The following ALDH1L1 variants were observed in gnomAD, a reference collection of about 807,000 sequenced individuals.
ALDH1L1 encodes the protein cytosolic 10-formyltetrahydrofolate dehydrogenase.
Under a neutral mutation model 101.1 loss-of-function variants are expected in ALDH1L1, and 68 were observed. That is an observed-to-expected ratio of 0.67 (90% confidence interval 0.55 to 0.82). ALDH1L1 has a LOEUF of 0.82. Among genes scored for constraint, ALDH1L1 ranks in the 40% least tolerant of loss-of-function variants. ALDH1L1 has a pLI of 0.00. For missense variants in ALDH1L1, 1,087 were observed against 1,172.7 expected, an observed-to-expected ratio of 0.93 and a Z score of 1.07; for synonymous variants, 486 against 470.8, an observed-to-expected ratio of 1.03 and a Z score of -0.42.
chr3:126,175,329 C>G (rs1477520489), intron 1 of ALDH1L1, among the ~76,000 whole-genome samples: 3 of 152,110 alleles, frequency 2.0e-5, no homozygotes, highest in African/African-American at 7.2e-5. Flanking sequence ...TCTATGATCT[C>G]TTTCAAAAAA....
Position 126,150,399 on chromosome 3 carries a change from C to T in ALDH1L1, c.984+7G>A, listed in dbSNP as rs1270762422. 6 of 1,550,580 alleles carry T rather than the reference C, an allele frequency of 3.9e-6. No homozygotes were observed. In the Admixed American group the frequency reaches 1.2e-4, roughly 30 times the overall value. Reference sequence around the variant, plus strand: ...AACTGGATGGCAGCCCTGAAGTTGCCTCTTACCCGCACAGCCTCCGCAGTA... The same window carrying T: ...AACTGGATGGCAGCCCTGAAGTTGCTTCTTACCCGCACAGCCTCCGCAGTA... On this transcript the variant is annotated splice_region_variant and intron_variant, in intron 8 of 22. Transcript: ENST00000393434.
Position 126,109,978 on chromosome 3 carries a change from T to G in ALDH1L1, c.2313A>C (p.Thr771=), listed in dbSNP as rs199672127. 9.9e-6 allele frequency: 16 copies of G among 1,614,194 alleles called. 1 individual carries two copies. In the Admixed American group the frequency reaches 1.3e-4, roughly 13 times the overall value. The change falls in exon 20 of 23, where the codon ACA becomes ACC. Residue 771 remains threonine (T), a synonymous_variant. Transcript: ENST00000393434. ...GGACCTGATTCCCGCCGCAGACCAGTGTGGCCCCTTCCTTCACGCCATGCT... is the reference window on the plus strand; with the variant it reads ...GGACCTGATTCCCGCCGCAGACCAGGGTGGCCCCTTCCTTCACGCCATGCT... ...YCQHGVKEGA[T]LVCGGNQVPR... is the part of the protein sequence containing the mutation.
At chr3:126,167,774 C>T (rs1196990307) in intron 1 of ALDH1L1, among the ~76,000 whole-genome samples, 1 of 152,094 alleles carries the variant, frequency 6.6e-6, no homozygotes, top group African/African-American at 2.4e-5. Flanking sequence ...AAACTTTGCT[C>T]CCACCTGTTC....
At chr3:126,127,745 C>G (rs993336390) in intron 14 of ALDH1L1, among the ~76,000 whole-genome samples, 1 of 152,170 alleles carries the variant, frequency 6.6e-6, no homozygotes, top group Admixed American at 6.5e-5. Context: ...CCTCTGGCAC[C>G]GCGTGCAGGC....
chr3:126,123,635 CA>C (rs10652286), intron 16 of ALDH1L1, among the ~76,000 whole-genome samples: 235 of 128,834 alleles, frequency 1.8e-3, no homozygotes, highest in South Asian at 9.2e-3. Flanking sequence ...CAAAAAGCTG[CA>C]AAAAAAAAAA....
chr3:126,157,603 C>A, intron 3 of ALDH1L1, 95 bp from the exon 4 acceptor site: 2 of 1,400,248 alleles, frequency 1.4e-6, no homozygotes, highest in Non-Finnish European at 9.8e-7. Flanking sequence ...CTCCAGGAGG[C>A]CCTCTCTTCC....
chr3:126,172,517 T>C (rs550793357), intron 1 of ALDH1L1, among the ~76,000 whole-genome samples: 2 of 151,866 alleles, frequency 1.3e-5, no homozygotes, highest in East Asian at 3.9e-4. Flanking sequence ...AACAAACACT[T>C]CCCAAACTGA....
chr3:126,165,869 A>G (rs1345832509), intron 1 of ALDH1L1, among the ~76,000 whole-genome samples: 2 of 151,980 alleles, frequency 1.3e-5, no homozygotes, highest in Non-Finnish European at 2.9e-5. Flanking sequence ...ATTTTTTTGA[A>G]AAACCAACTC....
chr3:126,144,077 A>G (rs1194140457), intron 9 of ALDH1L1, among the ~76,000 whole-genome samples: 1 of 152,268 alleles, frequency 6.6e-6, no homozygotes, highest in Non-Finnish European at 1.5e-5. Flanking sequence ...TTAGCAATGA[A>G]CAATCCAAAA....
chr3:126,124,691 C>A (rs1006022567), intron 15 of ALDH1L1, among the ~76,000 whole-genome samples: 4 of 152,194 alleles, frequency 2.6e-5, no homozygotes, highest in Non-Finnish European at 5.9e-5. Flanking sequence ...AGCTTCTCCT[C>A]CTGGCAGGGC....
chr3:126,114,739 A>G (rs1325267777), intron 17 of ALDH1L1, 83 bp from the exon 18 acceptor site: 1 of 1,292,730 alleles, frequency 7.7e-7, no homozygotes, highest in Non-Finnish European at 1.1e-6. Flanking sequence ...GGACCTGGGT[A>G]GGCCCAAAGC....
intron 9 of ALDH1L1, among the ~76,000 whole-genome samples, chr3:126,144,477 C>G (rs1220895247): frequency 6.6e-6 from 1 of 152,122 alleles, no homozygotes; most frequent in African/African-American, 2.4e-5. Context: ...CTACAATAAT[C>G]AAAATAGTAT....
chr3:126,126,551 A>G (rs567166541), intron 14 of ALDH1L1, among the ~76,000 whole-genome samples: 2 of 151,208 alleles, frequency 1.3e-5, no homozygotes, highest in East Asian at 3.9e-4. Flanking sequence ...AGGGGGGAGC[A>G]GCAGGGAGCA....
In ALDH1L1 at chr3:126,130,208, T is replaced by C. The variant is rs1258888419; in HGVS notation, c.1694+15A>G. On this transcript the variant is annotated intron_variant, in intron 14 of 22. Transcript: ENST00000393434. ...AGCACCGCGAGGCTGCACCTCGCCCTGGGCAGGAACTCACCCAACAGGCTC... is the reference window on the plus strand; with the variant it reads ...AGCACCGCGAGGCTGCACCTCGCCCCGGGCAGGAACTCACCCAACAGGCTC... The C allele has an allele frequency of 1.3e-6, 2 of 1,598,728 alleles. No homozygotes were observed. The highest frequency in any genetic ancestry group is 1.7e-6 in the Non-Finnish European group (2 of 1,172,850).
At chr3:126,188,192 C>T (rs995082448) in intron 1 of ALDH1L1, among the ~76,000 whole-genome samples, 1 of 152,192 alleles carries the variant, frequency 6.6e-6, no homozygotes, top group South Asian at 2.1e-4. Flanking sequence ...TGGACCTGTG[C>T]GGGTCCATGT....
At chr3:126,103,946 C>A in intron 22 of ALDH1L1, 100 bp from the exon 23 acceptor site, 1 of 1,326,406 alleles carries the variant, frequency 7.5e-7, no homozygotes, top group Non-Finnish European at 1.1e-6. Context: ...GGGGGCAGCT[C>A]TGGCTCACCC....
At chr3:126,177,965 C>T (rs972710765) in intron 1 of ALDH1L1, among the ~76,000 whole-genome samples, 12 of 152,216 alleles carry the variant, frequency 7.9e-5, no homozygotes, top group African/African-American at 2.9e-4. Context: ...ATTGCTTGAA[C>T]CTGGGAGGCA....
chr3:126,184,918 T>G (rs925879302), upstream of ALDH1L1, among the ~76,000 whole-genome samples: 4 of 152,154 alleles, frequency 2.6e-5, no homozygotes, highest in African/African-American at 9.7e-5. Flanking sequence ...GTGTTTCTCT[T>G]TATCTCCTAG....
chr3:126,105,236 CA>C (rs892667218), intron 22 of ALDH1L1: 4 of 238,612 alleles, frequency 1.7e-5, no homozygotes, highest in African/African-American at 8.8e-5. Context: ...AGCCCCTGAC[CA>C]TGGCCCATGG....
Sources: gnomAD v4.1 joint callset for allele counts (sites outside exome capture counted in the v4.1 genomes callset) on GRCh38, gnomAD v4.1.1 for gene constraint, MANE v1.5 for transcripts, NCBI Gene and HGNC (gene_info 2026-07-23, HGNC 2026-07-21) for gene names.